Variants in CSMD1 observed in about 807,000 individuals in gnomAD.
CSMD1 encodes the protein CUB and Sushi multiple domains 1.
A neutral mutation model predicts 417.5 loss-of-function variants in CSMD1; 213 were observed. The ratio of observed to expected loss-of-function variants is 0.51; its 90% confidence interval spans 0.46 to 0.57. CSMD1 has a LOEUF of 0.57. CSMD1 is among the 20% of genes least tolerant of loss of function. The probability of loss-of-function intolerance (pLI) is 0.00; values close to 1 mark genes in which losing one functional copy is unlikely to be tolerated. For synonymous variants in CSMD1, 2,862 were observed against 1,736.8 expected (o/e 1.65, Z -16.11); for missense variants, 6,923 against 4,529.7 (o/e 1.53, Z -15.17).
At chr8:3,459,925 G>A (rs1401052323) in intron 12 of CSMD1, among the ~76,000 whole-genome samples, 3 of 152,176 alleles carry the variant, frequency 2.0e-5, no homozygotes, top group South Asian at 4.1e-4. Flanking sequence ...AATGGCCCAT[G>A]ATAATGCTAC....
At chr8:4,412,357 C>T (rs1438432630) in intron 3 of CSMD1, among the ~76,000 whole-genome samples, 3 of 152,032 alleles carry the variant, frequency 2.0e-5, no homozygotes, top group African/African-American at 7.3e-5. Context: ...GTGTGTGGCA[C>T]CTCTCACTCC....
chr8:2,942,366 T>C (rs1585029661), intron 69 of CSMD1, 106 bp downstream of exon 69: 3 of 938,884 alleles, frequency 3.2e-6, no homozygotes, highest in Middle Eastern at 2.3e-4. Context: ...GAACATTGCA[T>C]AGTAATATAA....
rs1798009802 is a variant in CSMD1 at position 4,043,750 on chromosome 8, TC to T, written c.416-11652del. Among the ~76,000 whole-genome samples, 3 of 152,216 alleles carry T rather than the reference TC, an allele frequency of 2.0e-5. No homozygotes were observed. The South Asian group carries it at 6.2e-4, about 32-fold the overall frequency. ...TTATTACTAATAGATACTATTGATATCTTGCTGAGCTCTTTCAAATGCTGGA... is the reference window on the plus strand; with the variant it reads ...TTATTACTAATAGATACTATTGATATTTGCTGAGCTCTTTCAAATGCTGGA... On this transcript the variant is annotated intron_variant, in intron 3 of 69. Coordinates refer to ENST00000635120, the MANE Select transcript of CSMD1 (RefSeq NM_033225.6).
At chr8:3,640,218 T>G (rs932875885) in intron 7 of CSMD1, among the ~76,000 whole-genome samples, 1 of 152,214 alleles carries the variant, frequency 6.6e-6, no homozygotes, top group Non-Finnish European at 1.5e-5. Flanking sequence ...GGCATCAATG[T>G]GCTGAGAATT....
At chr8:3,819,610 A>G (rs1801604541) in intron 5 of CSMD1, among the ~76,000 whole-genome samples, 1 of 151,864 alleles carries the variant, frequency 6.6e-6, no homozygotes, top group South Asian at 2.1e-4. Flanking sequence ...CTGAGACAGG[A>G]TCTCACTTTG....
At chr8:3,013,472 C>G (rs1353474215) in intron 52 of CSMD1, among the ~76,000 whole-genome samples, 1 of 152,122 alleles carries the variant, frequency 6.6e-6, no homozygotes, top group African/African-American at 2.4e-5. Context: ...ATTTTCCAGC[C>G]TGGTGTGGTG....
chr8:3,551,121 T>G (rs1206871671), intron 10 of CSMD1, among the ~76,000 whole-genome samples: 1 of 152,202 alleles, frequency 6.6e-6, no homozygotes, highest in Admixed American at 6.5e-5. Flanking sequence ...GACCTCTTTG[T>G]GATTCAGTTT....
intron 3 of CSMD1, among the ~76,000 whole-genome samples, chr8:4,075,802 G>C (rs565201354): frequency 2.0e-4 from 31 of 152,244 alleles, no homozygotes; most frequent in African/African-American, 7.2e-4. Context: ...TGATGACAGA[G>C]CAGTCCTTCA....
chr8:3,945,346 T>A (rs746259317), intron 5 of CSMD1, among the ~76,000 whole-genome samples: 3 of 152,160 alleles, frequency 2.0e-5, no homozygotes, highest in Non-Finnish European at 2.9e-5. Flanking sequence ...GACATAATGA[T>A]GTCCACAAAG....
At chr8:4,620,404 C>T (rs1801707683) in intron 2 of CSMD1, among the ~76,000 whole-genome samples, 1 of 151,426 alleles carries the variant, frequency 6.6e-6, no homozygotes, top group Admixed American at 6.6e-5. Context: ...GTTTGAGAAA[C>T]TTAAATAATT....
chr8:2,971,283 G>A (rs1804433280), intron 57 of CSMD1, among the ~76,000 whole-genome samples: 2 of 151,896 alleles, frequency 1.3e-5, no homozygotes, highest in Non-Finnish European at 2.9e-5. Context: ...TCTCGGTAAC[G>A]CCTCTCATAA....
chr8:4,164,070 A>T (rs1439459567), intron 3 of CSMD1, among the ~76,000 whole-genome samples: 1 of 152,018 alleles, frequency 6.6e-6, no homozygotes, highest in Non-Finnish European at 1.5e-5. Context: ...TAAACATTAC[A>T]TTAAGAAAAC....
chr8:3,232,587 G>T (rs1485992320), intron 26 of CSMD1, among the ~76,000 whole-genome samples: 1 of 152,126 alleles, frequency 6.6e-6, no homozygotes, highest in Admixed American at 6.5e-5. Context: ...TCTTTCAAAT[G>T]ACATGGGCTG....
chr8:4,026,651 A>C (rs1465802893), intron 4 of CSMD1, among the ~76,000 whole-genome samples: 3 of 152,262 alleles, frequency 2.0e-5, no homozygotes, highest in African/African-American at 7.2e-5. Flanking sequence ...ACAAGCTAAC[A>C]CCATTAAGAT....
chr8:4,145,508 C>G (rs989206714), intron 3 of CSMD1, among the ~76,000 whole-genome samples: 1 of 151,076 alleles, frequency 6.6e-6, no homozygotes, highest in South Asian at 2.1e-4. Context: ...CTGTCACCCT[C>G]AAACATTGTC....
Position 4,029,304 on chromosome 8 carries a change from G to A in CSMD1, c.610+2601C>T, listed in dbSNP as rs141837233. Among the ~76,000 whole-genome samples, 652 of 152,266 alleles carry A rather than the reference G, an allele frequency of 4.3e-3. 4 individuals carry two copies. Among genetic ancestry groups the A allele is most frequent in the African/African-American group, 0.015 (615 of 41,550 alleles). On this transcript the variant is annotated intron_variant, in intron 4 of 69. Transcript: ENST00000635120. ...ACAAGTTGCATTAGTCTGTTTTCACGCTGGTGATAATGCATACCCAAGAAT... is the reference window on the plus strand; with the variant it reads ...ACAAGTTGCATTAGTCTGTTTTCACACTGGTGATAATGCATACCCAAGAAT...
At chr8:4,354,319 C>CA (rs1416583173) in intron 3 of CSMD1, among the ~76,000 whole-genome samples, 6 of 152,072 alleles carry the variant, frequency 3.9e-5, no homozygotes, top group African/African-American at 7.2e-5. Context: ...TGAAACATTT[C>CA]AACTGTATAA....
intron 5 of CSMD1, among the ~76,000 whole-genome samples, chr8:3,910,258 C>A (rs903926486): frequency 2.0e-5 from 3 of 152,062 alleles, no homozygotes; most frequent in African/African-American, 7.2e-5. Flanking sequence ...ATGTCAGAGG[C>A]GTTTCCCAGC....
intron 2 of CSMD1, among the ~76,000 whole-genome samples, chr8:4,453,797 G>C (rs1041200762): frequency 4.3e-5 from 6 of 138,260 alleles, no homozygotes; most frequent in Admixed American, 1.5e-4. Context: ...TCCCGAACAA[G>C]ATTGCGCAAT....
Sources: gnomAD v4.1 joint callset for allele counts (sites outside exome capture counted in the v4.1 genomes callset) on GRCh38, gnomAD v4.1.1 for gene constraint, MANE v1.5 for transcripts, NCBI Gene and HGNC (gene_info 2026-07-23, HGNC 2026-07-21) for gene names.